Variants in NAALADL2 observed in about 807,000 individuals in gnomAD.
NAALADL2 encodes inactive N-acetylated-alpha-linked acidic dipeptidase-like protein 2.
NAALADL2 carries 76 observed loss-of-function variants against 87.2 expected under a neutral mutation model. The observed-to-expected ratio is 0.87, with a 90% CI of 0.72 to 1.05. The LOEUF is 1.05. Among genes scored for constraint, NAALADL2 ranks in the 50% least tolerant of loss-of-function variants. The pLI is 0.00. For missense variants in NAALADL2, 1,089 were observed against 945.8 expected (o/e 1.15, Z -1.99); for synonymous variants, 354 against 331.0 (o/e 1.07, Z -0.75).
chr3:174,945,587 C>T (rs1739292498), intron 1 of NAALADL2, among the ~76,000 whole-genome samples: 1 of 152,158 alleles, frequency 6.6e-6, no homozygotes. Flanking sequence ...ACGTTTTGAG[C>T]ACTTGTATCC....
intron 3 of NAALADL2, among the ~76,000 whole-genome samples, chr3:174,751,196 G>C (rs1734785032): frequency 6.6e-6 from 1 of 151,636 alleles, no homozygotes; most frequent in Non-Finnish European, 1.5e-5. Context: ...GCAAATTTTG[G>C]GCCAATCCAG....
rs1346858943 is a variant in NAALADL2, at chr3:174,812,702, G to A, written c.-9+74956G>A. Among the ~76,000 whole-genome samples, 34 of 151,702 alleles carry A rather than the reference G, an allele frequency of 2.2e-4. No homozygotes were observed. In the Admixed American group the frequency reaches 2.2e-3, roughly 10 times the overall value. ...TTCCAGTGAGACAAGATGCATGGGT[G>A]GAAGACAGTAATACTGATGATGCTG... On this transcript the variant is annotated intron_variant, in intron 3 of 3. Coordinates refer to the NAALADL2 transcript ENST00000434257.
At chr3:174,631,632 A>G (rs901498181) in intron 2 of NAALADL2, among the ~76,000 whole-genome samples, 3 of 152,232 alleles carry the variant, frequency 2.0e-5, no homozygotes, top group African/African-American at 7.2e-5. Flanking sequence ...ATAGAAAAAC[A>G]TAAACAAGAC....
intron 1 of NAALADL2, among the ~76,000 whole-genome samples, chr3:174,869,362 C>T (rs1727524473): frequency 6.6e-6 from 1 of 152,066 alleles, no homozygotes; most frequent in Non-Finnish European, 1.5e-5. Flanking sequence ...TATAATTTTT[C>T]CCTTTTCACA....
Position 175,350,748 on chromosome 3 carries a change from A to T in NAALADL2, c.1090+26423A>T, listed in dbSNP as rs6774623. Among the ~76,000 whole-genome samples the T allele has an allele frequency of 1.3e-4, 19 of 151,852 alleles. No individual in the cohort carries two copies. In the East Asian group the frequency reaches 3.3e-3, roughly 26 times the overall value. On this transcript the variant is annotated intron_variant, in intron 5 of 13. Coordinates refer to ENST00000454872, the MANE Select transcript of NAALADL2 (RefSeq NM_207015.3). ...TGTGTGGAAGAGCCAAGAAGTATTA[A>T]AGTAAACTGTCTCTCCTCCCTTTTA...
chr3:174,977,950 T>C (rs1343710526), intron 1 of NAALADL2, among the ~76,000 whole-genome samples: 4 of 152,242 alleles, frequency 2.6e-5, no homozygotes, highest in Non-Finnish European at 5.9e-5. Context: ...TTCAAAATGT[T>C]AGATTTCTAA....
chr3:175,437,394 G>T (rs1455432518), intron 5 of NAALADL2, among the ~76,000 whole-genome samples: 1 of 145,124 alleles, frequency 6.9e-6, no homozygotes, highest in South Asian at 2.3e-4. Context: ...AACTTACAAG[G>T]GATGTGAAGG....
At chr3:174,819,958 A>G (rs1293288944) in intron 3 of NAALADL2, among the ~76,000 whole-genome samples, 3 of 152,156 alleles carry the variant, frequency 2.0e-5, no homozygotes, top group Admixed American at 6.5e-5. Flanking sequence ...TTTCTCCATT[A>G]CATTTCCCTT....
chr3:175,067,450 C>G (rs79304960), intron 1 of NAALADL2, among the ~76,000 whole-genome samples: 3,112 of 152,134 alleles, frequency 0.02, 48 homozygotes, highest in Non-Finnish European at 0.03. Flanking sequence ...AGACACTTCT[C>G]AAAACAAGAC....
At chr3:175,724,103 G>A (rs771170961) in intron 11 of NAALADL2, among the ~76,000 whole-genome samples, 4 of 152,086 alleles carry the variant, frequency 2.6e-5, no homozygotes, top group Non-Finnish European at 5.9e-5. Context: ...TGAATTATAT[G>A]TAGGGGCTTT....
chr3:174,609,832 C>G (rs1362501931), intron 2 of NAALADL2, among the ~76,000 whole-genome samples: 1 of 152,018 alleles, frequency 6.6e-6, no homozygotes, highest in Non-Finnish European at 1.5e-5. Flanking sequence ...TCATATGGAA[C>G]CAAAAAAGAG....
At chr3:174,599,157 C>T (rs983202301) in intron 2 of NAALADL2, among the ~76,000 whole-genome samples, 1 of 152,132 alleles carries the variant, frequency 6.6e-6, no homozygotes, top group Admixed American at 6.6e-5. Context: ...TGCTGTTTTG[C>T]TGATAGTGGC....
intron 1 of NAALADL2, among the ~76,000 whole-genome samples, chr3:174,866,473 G>A (rs1727160413): frequency 6.6e-6 from 1 of 151,776 alleles, no homozygotes; most frequent in Non-Finnish European, 1.5e-5. Context: ...CAAGATCTAT[G>A]TATTTACATG....
At chr3:175,446,726 C>A (rs1232417876) in intron 5 of NAALADL2, among the ~76,000 whole-genome samples, 5 of 152,132 alleles carry the variant, frequency 3.3e-5, no homozygotes, top group Non-Finnish European at 7.4e-5. Flanking sequence ...TGTTTCTGGT[C>A]TCTTTTGCAG....
intron 13 of NAALADL2, among the ~76,000 whole-genome samples, chr3:175,801,792 A>T (rs963805654): frequency 6.6e-6 from 1 of 152,138 alleles, no homozygotes; most frequent in Non-Finnish European, 1.5e-5. Context: ...TGATGCAATA[A>T]TTCATAGCTT....
At chr3:175,061,496 G>A (rs1048936366) in intron 1 of NAALADL2, among the ~76,000 whole-genome samples, 2 of 151,990 alleles carry the variant, frequency 1.3e-5, no homozygotes, top group African/African-American at 4.8e-5. Flanking sequence ...CAACTTCATA[G>A]TCTTCTGCTA....
chr3:174,972,972 G>A (rs988433282), intron 1 of NAALADL2, among the ~76,000 whole-genome samples: 5 of 148,832 alleles, frequency 3.4e-5, no homozygotes, highest in Admixed American at 3.3e-4. Context: ...CTCCAGCTTG[G>A]GCAACAAGAG....
In NAALADL2 at chr3:175,661,289, ATTTG is replaced by A. The variant is rs200320480; in HGVS notation, c.1896+33919_1896+33922del. ...TTTCAGATTCCTGTTGATGATTTGT[ATTTG>A]TTTGTTTGTTTGTTTTTTAGAAATG... On this transcript the variant is annotated intron_variant, in intron 11 of 13. Transcript: ENST00000454872. 5.9e-3 allele frequency among the ~76,000 whole-genome samples: 877 copies of A among 147,866 alleles called. 7 individuals are homozygous for A. Among genetic ancestry groups the A allele is most frequent in the African/African-American group, 0.02 (799 of 40,514 alleles).
At chr3:175,790,871 T>G (rs1752697344) in intron 13 of NAALADL2, among the ~76,000 whole-genome samples, 2 of 152,222 alleles carry the variant, frequency 1.3e-5, no homozygotes, top group Admixed American at 1.3e-4. Flanking sequence ...TCATGTAATT[T>G]TGTATATAAT....
Sources: allele counts gnomAD v4.1 joint callset (sites outside exome capture counted in the v4.1 genomes callset), GRCh38; gene constraint gnomAD v4.1.1; transcripts MANE v1.5; gene names NCBI Gene and HGNC (gene_info 2026-07-23, HGNC 2026-07-21).